TENM3: variants seen among roughly 807,000 people sequenced by gnomAD.
TENM3 encodes the protein teneurin transmembrane protein 3.
A neutral mutation model predicts 255.1 loss-of-function variants in TENM3; 63 were observed. The observed-to-expected ratio is 0.25, with a 90% CI of 0.20 to 0.30. The LOEUF is 0.30. TENM3 is among the 10% of genes least tolerant of loss of function. The probability of loss-of-function intolerance (pLI) is 1.00; values close to 1 mark genes in which losing one functional copy is unlikely to be tolerated. For synonymous variants in TENM3, 1,306 were observed against 1,322.3 expected (o/e 0.99, Z 0.27); for missense variants, 2,929 against 3,461.1 (o/e 0.85, Z 3.86).
At chr4:182,104,136 C>A in the TENM3 span, among the ~76,000 whole-genome samples, 6 of 152,300 alleles carry the variant, frequency 3.9e-5, no homozygotes, top group African/African-American at 1.4e-4. Flanking sequence ...CAATTTCAAC[C>A]TGCCAAGGTG....
chr4:181,462,401 G>T, the TENM3 span, among the ~76,000 whole-genome samples: 7 of 152,150 alleles, frequency 4.6e-5, no homozygotes, highest in African/African-American at 1.4e-4. Flanking sequence ...CAGTAAGGTG[G>T]TTTGGCTCTT....
intron 3 of TENM3, among the ~76,000 whole-genome samples, chr4:182,569,278 G>T (rs1744104115): frequency 6.6e-6 from 1 of 152,198 alleles, no homozygotes; most frequent in South Asian, 2.1e-4. Flanking sequence ...GTACAGGCCA[G>T]GCGCAGTGGC....
intron 3 of TENM3, among the ~76,000 whole-genome samples, chr4:182,429,056 C>G (rs1771442206): frequency 6.6e-6 from 1 of 152,186 alleles, no homozygotes; most frequent in African/African-American, 2.4e-5. Context: ...CATCCAAAGA[C>G]TCCCACCATT....
At chr4:182,469,388 C>T (rs145521486) in intron 3 of TENM3, among the ~76,000 whole-genome samples, 21 of 152,120 alleles carry the variant, frequency 1.4e-4, no homozygotes, top group African/African-American at 5.1e-4. Context: ...AAGGACTTAA[C>T]CAAGATCTTG....
the TENM3 span, among the ~76,000 whole-genome samples, chr4:182,054,882 C>T: frequency 1.3e-5 from 2 of 152,078 alleles, no homozygotes; most frequent in African/African-American, 4.8e-5. Flanking sequence ...GGGGAAGATG[C>T]CTTTCAGGCT....
At chr4:182,173,777 T>C (rs969669566) in intron 1 of TENM3, among the ~76,000 whole-genome samples, 18 of 152,224 alleles carry the variant, frequency 1.2e-4, no homozygotes, top group Non-Finnish European at 2.2e-4. Flanking sequence ...GTTACGTAAA[T>C]CCAGCAGCGA....
At chr4:181,797,166 C>CT in the TENM3 span, among the ~76,000 whole-genome samples, 3,866 of 146,578 alleles carry the variant, frequency 0.026, 77 homozygotes, top group African/African-American at 0.062. Flanking sequence ...ATCTTTTTTC[C>CT]TTTTTTTTTT....
chr4:182,556,301 G>T (rs139717356), intron 3 of TENM3, among the ~76,000 whole-genome samples: 3 of 152,348 alleles, frequency 2.0e-5, no homozygotes, highest in Non-Finnish European at 4.4e-5. Context: ...TTAAGCACCA[G>T]CTAGCTTCCC....
At chr4:181,883,472 A>G in the TENM3 span, among the ~76,000 whole-genome samples, 35 of 152,126 alleles carry the variant, frequency 2.3e-4, no homozygotes, top group South Asian at 4.1e-4. Flanking sequence ...GCAATGTACA[A>G]TTTTTTTGTT....
chr4:182,569,530 G>A (rs1744145122), intron 3 of TENM3, among the ~76,000 whole-genome samples: 1 of 151,266 alleles, frequency 6.6e-6, no homozygotes. Context: ...CTCCAGCCTG[G>A]GCAACAGAGC....
chr4:181,528,382 G>A, the TENM3 span, among the ~76,000 whole-genome samples: 5 of 152,134 alleles, frequency 3.3e-5, no homozygotes, highest in Non-Finnish European at 5.9e-5. Flanking sequence ...AGACCCTCTA[G>A]CACAGTGCTG....
At chr4:181,468,044 C>T in the TENM3 span, among the ~76,000 whole-genome samples, 1 of 151,382 alleles carries the variant, frequency 6.6e-6, no homozygotes, top group African/African-American at 2.4e-5. Flanking sequence ...GCCTGTAATC[C>T]CAGCACTCTG....
chr4:181,572,742 T>G, the TENM3 span, among the ~76,000 whole-genome samples: 48,987 of 152,140 alleles, frequency 0.32, 8,657 homozygotes, highest in African/African-American at 0.48. Context: ...GTTACACACA[T>G]TCCAGTTATA....
chr4:182,653,252 A>C (rs1439611414), intron 5 of TENM3, among the ~76,000 whole-genome samples: 2 of 152,202 alleles, frequency 1.3e-5, no homozygotes, highest in African/African-American at 4.8e-5. Flanking sequence ...CAAATTTAGA[A>C]TATTCAAATT....
rs1432046046 is a variant in TENM3, at chr4:182,601,018, T to C, written c.606T>C (p.Ser202=). The C allele has an allele frequency of 1.9e-6, 3 of 1,606,392 alleles. No individual in the cohort carries two copies. The highest frequency in any genetic ancestry group is 1.1e-5 in the South Asian group (1 of 90,702). The change falls in exon 4 of 28, where the codon TCT becomes TCC. Residue 202 remains serine (S), a synonymous_variant. Transcript: ENST00000511685. The stretch of plus-strand genomic sequence containing the variant: ...CACAGCATCATCCATCCATCACTTC[T>C]CTCAACAGAAACTCCCTGACCAATA... The part of the protein sequence containing the change: ...HSAQHHPSIT[S]LNRNSLTNRR...
At chr4:182,025,659 T>C in the TENM3 span, among the ~76,000 whole-genome samples, 1 of 152,142 alleles carries the variant, frequency 6.6e-6, no homozygotes, top group East Asian at 1.9e-4. Flanking sequence ...AAGGGTTCCC[T>C]TTTCTCCACA....
the TENM3 span, among the ~76,000 whole-genome samples, chr4:181,577,211 T>TATA: frequency 1.8e-5 from 2 of 112,574 alleles, no homozygotes; most frequent in South Asian, 3.0e-4. Flanking sequence ...ATATATATAT[T>TATA]TTTTTTTTAA....
At chr4:181,820,524 G>A in the TENM3 span, among the ~76,000 whole-genome samples, 1 of 148,254 alleles carries the variant, frequency 6.7e-6, no homozygotes, top group Non-Finnish European at 1.5e-5. Flanking sequence ...CAGTAGTTTG[G>A]GATAAAAAGC....
the TENM3 span, among the ~76,000 whole-genome samples, chr4:181,671,815 C>CA: frequency 6.6e-6 from 1 of 151,900 alleles, no homozygotes. Context: ...CTGGTTCATA[C>CA]ATTAACATGA....
Sources: gnomAD v4.1 joint callset for allele counts (sites outside exome capture counted in the v4.1 genomes callset) on GRCh38, gnomAD v4.1.1 for gene constraint, MANE v1.5 for transcripts, NCBI Gene and HGNC (gene_info 2026-07-23, HGNC 2026-07-21) for gene names.